SLC26A7: variants seen among roughly 807,000 people sequenced by gnomAD.
SLC26A7 encodes anion exchange transporter.
Under a neutral mutation model 82.5 loss-of-function variants are expected in SLC26A7, and 59 were observed. That is an observed-to-expected ratio of 0.72 (90% confidence interval 0.58 to 0.89). SLC26A7 has a LOEUF of 0.89. Among genes scored for constraint, SLC26A7 ranks in the 40% least tolerant of loss-of-function variants. The pLI, the probability that SLC26A7 is intolerant of heterozygous loss-of-function variation, is 0.00. For synonymous variants in SLC26A7, 271 were observed against 274.3 expected (o/e 0.99, Z 0.12); for missense variants, 820 against 793.0 (o/e 1.03, Z -0.41).
intron 5 of SLC26A7, among the ~76,000 whole-genome samples, chr8:91,332,491 TACACACACACACAC>T (rs34306717): frequency 2.2e-4 from 27 of 125,202 alleles, no homozygotes; most frequent in Middle Eastern, 3.9e-3. Flanking sequence ...ATATATTTAA[TACACACACACACAC>T]ACACACACAC....
At chr8:91,341,194 G>T in intron 8 of SLC26A7, among the ~76,000 whole-genome samples, 3 of 150,878 alleles carry the variant, frequency 2.0e-5, no homozygotes, top group Admixed American at 6.6e-5. Context: ...GTGTCCATGT[G>T]ATCTCATTGT....
chr8:91,395,037 C>T, intron 18 of SLC26A7, 25 bp from the exon 19 acceptor site: 1 of 1,608,096 alleles, frequency 6.2e-7, no homozygotes, highest in Non-Finnish European at 8.5e-7. Context: ...ATAGCACATA[C>T]TTACTTCTTC....
chr8:91,310,329 A>C lies in SLC26A7; in HGVS notation c.478-7887A>C, dbSNP rs184527753. 3.3e-5 allele frequency among the ~76,000 whole-genome samples: 5 copies of C among 152,232 alleles called. No homozygotes were observed. In the East Asian group the frequency reaches 9.7e-4, roughly 29 times the overall value. On this transcript the variant is annotated intron_variant, in intron 4 of 18. Coordinates refer to ENST00000276609, the MANE Select transcript of SLC26A7 (RefSeq NM_052832.4). ...TTGGCCTTTAGCTAGCTGTCAAGGC[A>C]GGGTTGGCTCCATTGGTTGGTAAAA...
intron 15 of SLC26A7, among the ~76,000 whole-genome samples, chr8:91,380,459 A>G (rs1321803879): frequency 6.6e-6 from 1 of 152,156 alleles, no homozygotes; most frequent in Non-Finnish European, 1.5e-5. Context: ...CAGAAAGCAA[A>G]TGATGTGGAC....
intron 2 of SLC26A7, among the ~76,000 whole-genome samples, chr8:91,232,465 C>T (rs751265920): frequency 4.6e-5 from 7 of 152,206 alleles, no homozygotes; most frequent in Non-Finnish European, 1.0e-4. Context: ...CAACATACTA[C>T]GTTCCTTACA....
chr8:91,289,692 G>T (rs1485530184), intron 3 of SLC26A7, among the ~76,000 whole-genome samples: 2 of 151,850 alleles, frequency 1.3e-5, no homozygotes, highest in African/African-American at 2.4e-5. Flanking sequence ...ACAATGAAAT[G>T]AGAGAAAGTA....
At chr8:91,375,538 A>C (rs904887018) in intron 15 of SLC26A7, among the ~76,000 whole-genome samples, 1 of 151,998 alleles carries the variant, frequency 6.6e-6, no homozygotes, top group African/African-American at 2.4e-5. Flanking sequence ...TTCTTCAAGA[A>C]GGCTAAAAAC....
At chr8:91,226,681 C>T (rs1316446011) in intron 2 of SLC26A7, among the ~76,000 whole-genome samples, 2 of 152,086 alleles carry the variant, frequency 1.3e-5, no homozygotes, top group African/African-American at 4.8e-5. Context: ...GGGAGACAAA[C>T]AATAAACAAT....
chr8:91,344,538 G>A (rs1813508627), intron 9 of SLC26A7, among the ~76,000 whole-genome samples: 1 of 152,122 alleles, frequency 6.6e-6, no homozygotes, highest in Admixed American at 6.6e-5. Flanking sequence ...AAAAGTATGT[G>A]TTTGTTGACC....
chr8:91,233,955 A>G (rs964113292), intron 2 of SLC26A7, among the ~76,000 whole-genome samples: 2 of 152,206 alleles, frequency 1.3e-5, no homozygotes, highest in African/African-American at 4.8e-5. Flanking sequence ...TTCTCCAAAA[A>G]TCTTAAGGAT....
intron 2 of SLC26A7, among the ~76,000 whole-genome samples, chr8:91,284,768 T>C (rs1037711181): frequency 9.9e-5 from 15 of 152,232 alleles, no homozygotes; most frequent in African/African-American, 3.1e-4. Context: ...TTGGTGCTAC[T>C]TTTATGATTC....
At chr8:91,238,245 T>A (rs1810418323) in intron 2 of SLC26A7, among the ~76,000 whole-genome samples, 1 of 152,112 alleles carries the variant, frequency 6.6e-6, no homozygotes. Flanking sequence ...CTGATGATCA[T>A]CCTGGGGCTG....
chr8:91,390,482 C>A (rs1814932445), intron 16 of SLC26A7, among the ~76,000 whole-genome samples: 1 of 152,090 alleles, frequency 6.6e-6, no homozygotes, highest in Admixed American at 6.5e-5. Context: ...TCCCTCAATA[C>A]CCTGAATTGG....
At chr8:91,280,691 C>T (rs577621553) in intron 2 of SLC26A7, among the ~76,000 whole-genome samples, 6 of 152,032 alleles carry the variant, frequency 3.9e-5, no homozygotes, top group Non-Finnish European at 7.4e-5. Flanking sequence ...TTTTTTTTCT[C>T]TGCATCTGGC....
chr8:91,348,117 C>A (rs991574568), intron 9 of SLC26A7, among the ~76,000 whole-genome samples: 1 of 152,226 alleles, frequency 6.6e-6, no homozygotes, highest in African/African-American at 2.4e-5. Context: ...TTCTGCAACA[C>A]TGAGATTGTC....
chr8:91,268,687 A>C (rs1163114147), intron 2 of SLC26A7, among the ~76,000 whole-genome samples: 2 of 151,716 alleles, frequency 1.3e-5, no homozygotes, highest in Admixed American at 6.6e-5. Flanking sequence ...ATTGATAGGT[A>C]AGGATTTACT....
chr8:91,232,555 C>T (rs970886666), intron 2 of SLC26A7, among the ~76,000 whole-genome samples: 2 of 152,150 alleles, frequency 1.3e-5, no homozygotes, highest in Non-Finnish European at 2.9e-5. Flanking sequence ...TTGGGTTGAA[C>T]ATGTCTTGCT....
chr8:91,247,665 G>C (rs1480427680), upstream of SLC26A7, among the ~76,000 whole-genome samples: 3 of 152,028 alleles, frequency 2.0e-5, no homozygotes, highest in Non-Finnish European at 4.4e-5. Flanking sequence ...AAATGTTTTA[G>C]AACAATTGCT....
chr8:91,239,472 A>G (rs552345792), intron 2 of SLC26A7, among the ~76,000 whole-genome samples: 146 of 149,744 alleles, frequency 9.7e-4, no homozygotes, highest in African/African-American at 3.3e-3. Flanking sequence ...ATGTGTATAT[A>G]TGTATATATA....
Sources: gnomAD v4.1 joint callset for allele counts (sites outside exome capture counted in the v4.1 genomes callset) on GRCh38, gnomAD v4.1.1 for gene constraint, MANE v1.5 for transcripts, NCBI Gene and HGNC (gene_info 2026-07-23, HGNC 2026-07-21) for gene names.